Variants in SAMD5 observed in about 807,000 individuals in gnomAD.
SAMD5 encodes sterile alpha motif domain-containing protein 5.
SAMD5 carries 13 observed loss-of-function variants against 11.3 expected under a neutral mutation model. That is an observed-to-expected ratio of 1.15 (90% CI 0.75 to 1.83). The LOEUF (loss-of-function observed/expected upper bound fraction) is 1.83, where lower values mean the gene tolerates loss of function less well. Ranked by LOEUF, SAMD5 falls within the 40% of genes most tolerant of loss-of-function variation. SAMD5 has a pLI of 0.00. For missense variants in SAMD5, 255 were observed against 239.1 expected (o/e 1.07, Z -0.44); for synonymous variants, 129 against 111.3 (o/e 1.16, Z -1.00).
At chr6:147,669,631 A>G (rs975653120) in intron 1 of SAMD5, among the ~76,000 whole-genome samples, 2 of 151,672 alleles carry the variant, frequency 1.3e-5, no homozygotes, top group African/African-American at 4.8e-5. Context: ...GGGTTTCACC[A>G]TGTTGGCCAC....
chr6:147,857,494 A>G, the SAMD5 span, among the ~76,000 whole-genome samples: 1 of 151,818 alleles, frequency 6.6e-6, no homozygotes, highest in Non-Finnish European at 1.5e-5. Context: ...AGCCTGAGTG[A>G]CAGAGCAAGA....
At chr6:147,697,843 A>G (rs946497518) in intron 1 of SAMD5, among the ~76,000 whole-genome samples, 1 of 152,142 alleles carries the variant, frequency 6.6e-6, no homozygotes. Context: ...AAACAAATGT[A>G]AGGTTCATAA....
At chr6:147,521,866 A>G (rs1001774064) in intron 1 of SAMD5, among the ~76,000 whole-genome samples, 3 of 137,022 alleles carry the variant, frequency 2.2e-5, no homozygotes, top group Admixed American at 7.3e-5. Flanking sequence ...CAAGAACGAC[A>G]ACTTTTTTTA....
chr6:147,546,083 CT>C, intron 1 of SAMD5, among the ~76,000 whole-genome samples: 1 of 152,266 alleles, frequency 6.6e-6, no homozygotes, highest in African/African-American at 2.4e-5. Flanking sequence ...ATAATAAATG[CT>C]TATTTCTGGC....
At chr6:147,536,037 G>A (rs1238351413) in intron 1 of SAMD5, among the ~76,000 whole-genome samples, 1 of 151,496 alleles carries the variant, frequency 6.6e-6, no homozygotes, top group South Asian at 2.1e-4. Flanking sequence ...AGGCTGGAGT[G>A]CAGTGGCACG....
intron 1 of SAMD5, among the ~76,000 whole-genome samples, chr6:147,716,216 A>G (rs542388325): frequency 6.6e-6 from 1 of 152,106 alleles, no homozygotes; most frequent in African/African-American, 2.4e-5. Flanking sequence ...TCACCCCCCA[A>G]AGTCCAGAGG....
intron 1 of SAMD5, among the ~76,000 whole-genome samples, chr6:147,557,612 A>G (rs757480699): frequency 7.2e-4 from 109 of 152,284 alleles, no homozygotes; most frequent in Non-Finnish European, 1.1e-3. Context: ...AACACCAGGG[A>G]TTAGATTCAG....
At chr6:147,937,046 A>G in the SAMD5 span, among the ~76,000 whole-genome samples, 1 of 152,148 alleles carries the variant, frequency 6.6e-6, no homozygotes, top group Non-Finnish European at 1.5e-5. Context: ...GGACCTGAAT[A>G]GTGCCTGGAA....
chr6:147,554,600 C>T (rs1788825128), intron 1 of SAMD5, among the ~76,000 whole-genome samples: 1 of 152,060 alleles, frequency 6.6e-6, no homozygotes, highest in South Asian at 2.1e-4. Context: ...TTTTTCCAGG[C>T]AGAGCAGCCA....
chr6:147,661,716 G>A lies in SAMD5; in HGVS notation c.163-75601G>A, dbSNP rs1790650508. Among the ~76,000 whole-genome samples the A allele has an allele frequency of 2.0e-5, 3 of 152,120 alleles. No homozygotes were observed. In the South Asian group the frequency reaches 6.2e-4, roughly 31 times the overall value. On this transcript the variant is annotated intron_variant, in intron 1 of 1. Transcript: ENST00000566741. ...GCTGTCTCTGTTCACTGCAACCTCT[G>A]CCTCCCGGGTTTAAGCGATTCTCCT...
At chr6:147,544,476 C>A (rs1788654581) in intron 1 of SAMD5, among the ~76,000 whole-genome samples, 1 of 152,190 alleles carries the variant, frequency 6.6e-6, no homozygotes, top group Non-Finnish European at 1.5e-5. Context: ...GGCCATCTCT[C>A]AGAATGGCTT....
chr6:147,894,568 G>A, the SAMD5 span, among the ~76,000 whole-genome samples: 1 of 152,110 alleles, frequency 6.6e-6, no homozygotes, highest in Admixed American at 6.5e-5. Context: ...CCTACTGGGG[G>A]GAAACATGTT....
At chr6:147,687,843 G>A (rs1003254030) in intron 1 of SAMD5, among the ~76,000 whole-genome samples, 2 of 152,098 alleles carry the variant, frequency 1.3e-5, no homozygotes, top group African/African-American at 2.4e-5. Context: ...TGAGGGTAAC[G>A]TGTTTTTATC....
At chr6:147,590,408 G>A (rs1272429726) in intron 1 of SAMD5, among the ~76,000 whole-genome samples, 2 of 151,978 alleles carry the variant, frequency 1.3e-5, no homozygotes, top group African/African-American at 4.8e-5. Context: ...CCTCAGTAAC[G>A]GTTATTTGTT....
chr6:147,704,114 C>G (rs1370298922), intron 1 of SAMD5, among the ~76,000 whole-genome samples: 2 of 152,050 alleles, frequency 1.3e-5, no homozygotes, highest in African/African-American at 4.8e-5. Flanking sequence ...CCAGGATGGT[C>G]TCGATCTCCT....
chr6:147,519,426 A>G (rs1216312449), intron 1 of SAMD5, among the ~76,000 whole-genome samples: 2 of 152,192 alleles, frequency 1.3e-5, no homozygotes. Context: ...AAAATTTAGT[A>G]AAAATATTTC....
At chr6:147,828,088 A>G in the SAMD5 span, among the ~76,000 whole-genome samples, 2 of 152,080 alleles carry the variant, frequency 1.3e-5, no homozygotes, top group African/African-American at 2.4e-5. Flanking sequence ...GCCAGGCCCA[A>G]CGTGACATTC....
At chr6:147,925,002 A>G in the SAMD5 span, among the ~76,000 whole-genome samples, 1 of 152,182 alleles carries the variant, frequency 6.6e-6, no homozygotes, top group Non-Finnish European at 1.5e-5. Context: ...ACATTTCTAA[A>G]CAAAAAATTT....
the SAMD5 span, among the ~76,000 whole-genome samples, chr6:147,877,444 A>G: frequency 6.6e-6 from 1 of 152,284 alleles, no homozygotes; most frequent in East Asian, 1.9e-4. Flanking sequence ...ATGGAGGTAC[A>G]AATGGTTATG....
Sources: allele counts gnomAD v4.1 joint callset (sites outside exome capture counted in the v4.1 genomes callset), GRCh38; gene constraint gnomAD v4.1.1; transcripts MANE v1.5; gene names NCBI Gene and HGNC (gene_info 2026-07-23, HGNC 2026-07-21).